Variants in PIK3C2A observed in about 807,000 individuals in gnomAD.
PIK3C2A encodes the protein phosphatidylinositol 4-phosphate 3-kinase C2 domain-containing subunit alpha.
Under a neutral mutation model 204.5 loss-of-function variants are expected in PIK3C2A, and 97 were observed. That is an observed-to-expected ratio of 0.47 (90% CI 0.40 to 0.56). PIK3C2A has a LOEUF of 0.56. Among genes scored for constraint, PIK3C2A ranks in the 20% least tolerant of loss-of-function variants. PIK3C2A has a pLI of 0.00. For missense variants in PIK3C2A, 1,735 were observed against 1,969.2 expected (o/e 0.88, Z 2.25); for synonymous variants, 653 against 664.4 (o/e 0.98, Z 0.26).
Position 17,091,448 on chromosome 11 carries a change from A to C in PIK3C2A, c.4764T>G (p.Asp1588Glu). ...TGACATATGGATTTGGGTCAGCTCC[A>C]TCTTCAGTAACCTAAAAAGAAAAGC... ...VMHIKDLVTEDGADPNPYVKT... is the reference protein window; with the variant it reads ...VMHIKDLVTEEGADPNPYVKT... Residue 1588 changes from aspartate to glutamate, a missense_variant, in exon 32 of 33, where the codon GAT (aspartate) becomes GAG (glutamate). Around this residue, in one of 6 missense-constraint regions of PIK3C2A, gnomAD observed 503 missense variants for 669.0 expected, o/e 0.75. Coordinates refer to ENST00000691414, the MANE Select transcript of PIK3C2A (RefSeq NM_002645.4). 7 of 1,612,686 alleles carry C rather than the reference A, an allele frequency of 4.3e-6. No individual in the cohort carries two copies. The highest frequency in any genetic ancestry group is 5.9e-6 in the Non-Finnish European group (7 of 1,179,674).
intron 9 of PIK3C2A, 47 bp from the exon 10 acceptor site, chr11:17,135,206 A>G: frequency 6.3e-7 from 1 of 1,579,474 alleles, no homozygotes; most frequent in Non-Finnish European, 8.7e-7. Flanking sequence ...TGCCTATGAC[A>G]TAATATAAAA....
intron 1 of PIK3C2A, among the ~76,000 whole-genome samples, chr11:17,179,361 C>T (rs1002037085): frequency 1.3e-5 from 2 of 151,904 alleles, no homozygotes; most frequent in South Asian, 2.1e-4. Context: ...AGGGTCTCAC[C>T]GTGTTGCCCA....
At position 17,094,124 on chromosome 11, in the gene PIK3C2A, G is replaced by C. The variant is rs188078699; in HGVS notation, c.4451+137C>G. The C allele has an allele frequency of 3.7e-5, 21 of 567,910 alleles. No homozygotes were observed. The African/African-American group carries it at 4.0e-4, about 11-fold the overall frequency. The allele number at this position is 567,910 out of a possible 1,614,324, so 35.2% of individuals were successfully genotyped here. On this transcript the variant is annotated intron_variant, in intron 28 of 32. Transcript: ENST00000691414. Reference sequence around the variant, plus strand: ...TTGTTTATGTCTGCTTTTGTATTAGGTCTTTATGACACAAAGGAAAATAAG... The same window carrying C: ...TTGTTTATGTCTGCTTTTGTATTAGCTCTTTATGACACAAAGGAAAATAAG...
In PIK3C2A at chr11:17,096,340, T is replaced by C. The variant is rs551108746; in HGVS notation, c.4326+717A>G. On this transcript the variant is annotated intron_variant, in intron 27 of 32. Coordinates refer to ENST00000691414, the MANE Select transcript of PIK3C2A (RefSeq NM_002645.4). ...GGCATGAGCCACTGCGCCCGGCCTA[T>C]TTAAACTTTTATAAAGTTACAATAC... Among the ~76,000 whole-genome samples, 6 of 152,300 alleles carry C rather than the reference T, an allele frequency of 3.9e-5. No individual in the cohort carries two copies. The South Asian group carries it at 1.0e-3, about 26-fold the overall frequency.
Position 17,094,313 on chromosome 11 carries a change from G to A in PIK3C2A, c.4399C>T (p.Gln1467Ter). 2 of 1,610,748 alleles carry A rather than the reference G, an allele frequency of 1.2e-6. No homozygotes were observed. Among genetic ancestry groups the A allele is most frequent in the Non-Finnish European group, 1.7e-6 (2 of 1,176,932 alleles). Residue 1467 changes from glutamine (Q) to a stop codon, truncating the protein, a stop_gained, in exon 28 of 33, where the codon CAG (glutamine) becomes TAG (stop). Transcript: ENST00000691414. LOFTEE classifies it high-confidence loss of function. ...SFVFRTFDEF[Q>*]ELHNKLSIIF... ...ATACTGAGCTTATTGTGAAGTTCCT[G>A]AAATTCGTCAAATGTTCGGAAGACA...
Position 17,132,041 on chromosome 11 carries a change from G to A in PIK3C2A, c.2109-3C>T, listed in dbSNP as rs1430147927. ...ATATCAAGTAGTATTTTTCATAACT[G>A]AGAAAAGAAAGTTTAACTTGATTTC... On this transcript the variant is annotated splice_polypyrimidine_tract_variant and splice_region_variant and intron_variant, in intron 11 of 32. Coordinates refer to ENST00000691414, the MANE Select transcript of PIK3C2A (RefSeq NM_002645.4). 2 of 1,488,442 alleles carry A rather than the reference G, an allele frequency of 1.3e-6. No homozygotes were observed. The highest frequency in any genetic ancestry group is 1.8e-6 in the Non-Finnish European group (2 of 1,091,518). 92.2% of individuals were successfully genotyped at this position (1,488,442 alleles called of 1,614,324 possible).
At chr11:17,186,309 C>T (rs1851749124) in intron 1 of PIK3C2A, among the ~76,000 whole-genome samples, 1 of 151,950 alleles carries the variant, frequency 6.6e-6, no homozygotes, top group Admixed American at 6.6e-5. Flanking sequence ...CATTTACTAC[C>T]ATCTAGTATA....
intron 28 of PIK3C2A, 75 bp from the exon 29 acceptor site, chr11:17,092,351 T>C (rs1848333790): frequency 2.6e-6 from 2 of 760,708 alleles, no homozygotes; most frequent in Non-Finnish European, 4.6e-6. Context: ...TTTTCATATA[T>C]ACTTAAAGAC....
At position 17,148,739 on chromosome 11, in the gene PIK3C2A, T is replaced by G. The variant is rs758760896; in HGVS notation, c.1376A>C (p.His459Pro). The G allele has an allele frequency of 6.2e-7, 1 of 1,610,832 alleles. No homozygotes were observed. The highest frequency in any genetic ancestry group is 1.1e-5 in the South Asian group (1 of 91,004). Residue 459 changes from histidine to proline, a missense_variant, in exon 5 of 33, where the codon CAT becomes CCT. Physicochemically the swap from His to Pro is moderately conservative, Grantham distance 77 (BLOSUM62 -2). This residue lies in a region of PIK3C2A where 536 missense variants were observed against 546.7 expected (regional missense o/e 0.98). Coordinates refer to ENST00000691414, the MANE Select transcript of PIK3C2A (RefSeq NM_002645.4). ...AACATCTACTTGATTCAAGTCATCA[T>G]GTACCCAGCAAAGGGCTTGCATTAT... ...IIIMQALCWV[H>P]DDLNQVDVGS...
At chr11:17,154,303 T>C (rs1055732528) in intron 3 of PIK3C2A, among the ~76,000 whole-genome samples, 2 of 152,190 alleles carry the variant, frequency 1.3e-5, no homozygotes, top group African/African-American at 2.4e-5. Context: ...GTGACTCTAC[T>C]GATAATATTT....
chr11:17,118,712 T>G lies in PIK3C2A; in HGVS notation c.2968A>C (p.Ser990Arg). ...QALKYEIYLN[S>R]SLVQFLLSRA... Reference sequence around the variant, plus strand: ...GACAAAAGGAATTGCACTAATGAACTATTCAAGTAAATTTCATATTTCAAA... The same window carrying G: ...GACAAAAGGAATTGCACTAATGAACGATTCAAGTAAATTTCATATTTCAAA... Residue 990 changes from serine to arginine, a missense_variant, in exon 18 of 33, where the codon AGT becomes CGT. By Grantham distance (110) the Ser-to-Arg change is moderately radical. Around this residue, in one of 6 missense-constraint regions of PIK3C2A, gnomAD observed 567 missense variants for 576.0 expected, o/e 0.98. Coordinates refer to ENST00000691414, the MANE Select transcript of PIK3C2A (RefSeq NM_002645.4). 1 of 1,558,532 alleles carries G rather than the reference T, an allele frequency of 6.4e-7. No homozygotes were observed. Among genetic ancestry groups the G allele is most frequent in the African/African-American group, 1.4e-5 (1 of 73,914 alleles).
At chr11:17,183,880 G>A (rs1851654058) in intron 1 of PIK3C2A, among the ~76,000 whole-genome samples, 1 of 151,444 alleles carries the variant, frequency 6.6e-6, no homozygotes, top group Non-Finnish European at 1.5e-5. Context: ...CGAGGAGTGG[G>A]GTATGCTTAA....
intron 30 of PIK3C2A, 35 bp downstream of exon 30, chr11:17,091,961 T>C (rs777757041): frequency 1.5e-6 from 2 of 1,301,830 alleles, no homozygotes; most frequent in South Asian, 2.4e-5. Context: ...TTGCAGATCA[T>C]GAGTTACCAA....
chr11:17,126,082 C>T (rs935182913), intron 13 of PIK3C2A, among the ~76,000 whole-genome samples: 26 of 152,148 alleles, frequency 1.7e-4, no homozygotes, highest in African/African-American at 6.0e-4. Flanking sequence ...CAAGATCATG[C>T]CATTGCACTC....
At chr11:17,129,996 A>C (rs1385923985) in intron 12 of PIK3C2A, among the ~76,000 whole-genome samples, 4 of 152,236 alleles carry the variant, frequency 2.6e-5, no homozygotes, top group African/African-American at 9.6e-5. Context: ...TCAAAATATA[A>C]CATTTCTTTC....
At chr11:17,187,453 CAG>C (rs1270372723) in intron 1 of PIK3C2A, among the ~76,000 whole-genome samples, 2 of 152,074 alleles carry the variant, frequency 1.3e-5, no homozygotes, top group East Asian at 3.9e-4. Flanking sequence ...TTAGTATATT[CAG>C]AGGTGTGTGA....
intron 1 of PIK3C2A, among the ~76,000 whole-genome samples, chr11:17,201,558 AAAAAG>A (rs1231373106): frequency 2.0e-5 from 3 of 151,110 alleles, no homozygotes; most frequent in African/African-American, 7.3e-5. Flanking sequence ...AAAGAAAAAA[AAAAAG>A]AAAAGCTTTC....
chr11:17,144,614 G>A (rs917750787), intron 8 of PIK3C2A, among the ~76,000 whole-genome samples: 3 of 152,004 alleles, frequency 2.0e-5, no homozygotes, highest in Admixed American at 1.3e-4. Context: ...TATAGTCTTG[G>A]CTGGGCACGG....
intron 1 of PIK3C2A, among the ~76,000 whole-genome samples, chr11:17,177,857 C>T (rs1426588699): frequency 1.3e-5 from 2 of 152,194 alleles, no homozygotes; most frequent in African/African-American, 4.8e-5. Flanking sequence ...CTTTGGGAGG[C>T]CAAGGCAGGT....
Sources: allele counts gnomAD v4.1 joint callset (sites outside exome capture counted in the v4.1 genomes callset), GRCh38; gene constraint gnomAD v4.1.1; regional missense constraint gnomAD v4.1.1; transcripts MANE v1.5; gene names NCBI Gene and HGNC (gene_info 2026-07-23, HGNC 2026-07-21).